Variants in SCIN observed in about 807,000 individuals in gnomAD.
SCIN encodes the protein adseverin.
In SCIN, 91 loss-of-function variants were observed where a neutral mutation model predicts 91.8. The ratio of observed to expected loss-of-function variants is 0.99; its 90% CI spans 0.84 to 1.18. The LOEUF (loss-of-function observed/expected upper bound fraction) is 1.18. Ranked by LOEUF, SCIN falls within the 50% of genes most tolerant of loss-of-function variation. SCIN has a pLI of 0.00. For missense variants in SCIN, 1,087 were observed against 863.9 expected (o/e 1.26, Z -3.24); for synonymous variants, 367 against 312.6 (o/e 1.17, Z -1.84).
intron 4 of SCIN, among the ~76,000 whole-genome samples, chr7:12,616,861 C>G (rs377042177): frequency 1.2e-4 from 18 of 152,206 alleles, no homozygotes; most frequent in South Asian, 8.3e-4. Context: ...TATCATATTC[C>G]TTTTTCTCAG....
chr7:12,574,966 A>G (rs1396545369), intron 1 of SCIN, among the ~76,000 whole-genome samples: 1 of 152,178 alleles, frequency 6.6e-6, no homozygotes, highest in Non-Finnish European at 1.5e-5. Flanking sequence ...CTTAAAATCC[A>G]TGAACACTAA....
intron 15 of SCIN, among the ~76,000 whole-genome samples, chr7:12,652,299 A>C (rs1784095072): frequency 6.6e-6 from 1 of 152,154 alleles, no homozygotes; most frequent in African/African-American, 2.4e-5. Flanking sequence ...CACAAGGACA[A>C]TTCCATAAAA....
At chr7:12,590,370 A>C (rs1325283563) in intron 3 of SCIN, among the ~76,000 whole-genome samples, 1 of 151,812 alleles carries the variant, frequency 6.6e-6, no homozygotes, top group Admixed American at 6.6e-5. Context: ...CCTTGGGAGG[A>C]AGTAACAGAG....
At chr7:12,647,316 A>G (rs1783986161) in intron 13 of SCIN, among the ~76,000 whole-genome samples, 2 of 152,220 alleles carry the variant, frequency 1.3e-5, no homozygotes, top group Admixed American at 1.3e-4. Context: ...GTTTAAGGCA[A>G]AGGATTGTTG....
intron 9 of SCIN, 110 bp downstream of exon 9, chr7:12,629,332 G>A: frequency 9.6e-7 from 1 of 1,037,582 alleles, no homozygotes; most frequent in South Asian, 2.1e-5. Flanking sequence ...ATCCCAGTGA[G>A]ATTTGTATAG....
chr7:12,585,425 T>C (rs1210544552), intron 3 of SCIN, among the ~76,000 whole-genome samples: 1 of 152,166 alleles, frequency 6.6e-6, no homozygotes, highest in Non-Finnish European at 1.5e-5. Flanking sequence ...TTATACATTC[T>C]TCCTAAGCAA....
chr7:12,636,775 G>C (rs1037505839), intron 10 of SCIN, among the ~76,000 whole-genome samples: 1 of 152,178 alleles, frequency 6.6e-6, no homozygotes, highest in Non-Finnish European at 1.5e-5. Flanking sequence ...CAAATTGCTA[G>C]AACGAGGATA....
At chr7:12,640,188 A>G (rs1156902341) in intron 10 of SCIN, among the ~76,000 whole-genome samples, 159 bp from the exon 11 acceptor site, 1 of 152,232 alleles carries the variant, frequency 6.6e-6, no homozygotes, top group African/African-American at 2.4e-5. Context: ...ATTAATTATC[A>G]TTAACCTATA....
chr7:12,596,059 A>G (rs1272376175), intron 3 of SCIN, among the ~76,000 whole-genome samples: 1 of 152,134 alleles, frequency 6.6e-6, no homozygotes, highest in Non-Finnish European at 1.5e-5. Context: ...AAAGAAAGGA[A>G]CGTATGCTTG....
At position 12,655,360 on chromosome 7, in the gene SCIN, C is replaced by G. The variant is rs1247388391; in HGVS notation, c.*2645C>G. ...AGAAATTAATATGTAATACATACAG[C>G]TAATGTTATAGCTACTTAAGGAATT... On this transcript the variant is annotated 3_prime_UTR_variant, in exon 16 of 16. Coordinates refer to ENST00000297029, the MANE Select transcript of SCIN (RefSeq NM_001112706.3). 1.3e-5 allele frequency: 2 copies of G among 152,028 alleles called. No individual in the cohort carries two copies. Among genetic ancestry groups the G allele is most frequent in the Non-Finnish European group, 2.9e-5 (2 of 68,012 alleles). 9.4% of individuals were successfully genotyped at this position (152,028 alleles called of 1,614,324 possible).
At chr7:12,631,131 A>G (rs1373842888) in intron 9 of SCIN, among the ~76,000 whole-genome samples, 1 of 152,236 alleles carries the variant, frequency 6.6e-6, no homozygotes, top group Non-Finnish European at 1.5e-5. Flanking sequence ...GGACATATTA[A>G]AATAGAATAA....
chr7:12,583,998 CA>C (rs953958386), intron 3 of SCIN, among the ~76,000 whole-genome samples: 1 of 152,088 alleles, frequency 6.6e-6, no homozygotes, highest in African/African-American at 2.4e-5. Context: ...TTCCTATACT[CA>C]AAAGGGATAC....
chr7:12,647,994 A>C (rs1238202596), intron 13 of SCIN, among the ~76,000 whole-genome samples: 1 of 152,122 alleles, frequency 6.6e-6, no homozygotes, highest in Admixed American at 6.5e-5. Context: ...TGCCAGAGGG[A>C]GTGAATAAAG....
At chr7:12,602,761 C>A (rs955676047) in intron 3 of SCIN, among the ~76,000 whole-genome samples, 1 of 152,142 alleles carries the variant, frequency 6.6e-6, no homozygotes, top group Non-Finnish European at 1.5e-5. Context: ...TGGTTGTCTT[C>A]CCTTGTTCCC....
In SCIN at chr7:12,570,906, C is replaced by T. The variant is rs1215720859; in HGVS notation, c.120C>T (p.Phe40=). 1 of 1,551,580 alleles carries T rather than the reference C, an allele frequency of 6.4e-7. No homozygotes were observed. The highest frequency in any genetic ancestry group is 8.7e-7 in the Non-Finnish European group (1 of 1,146,968). Residue 40 remains phenylalanine (F), a synonymous_variant, in exon 1 of 16, where the codon TTC becomes TTT. Coordinates refer to ENST00000297029, the MANE Select transcript of SCIN (RefSeq NM_001112706.3). The part of the protein sequence containing the change: ...VPVPQSAHGD[F]YVGDAYLVLH... The stretch of plus-strand genomic sequence containing the variant: ...TGCCCCAGAGCGCTCACGGCGACTT[C>T]TACGTCGGGGATGCCTACCTGGTGC...
intron 3 of SCIN, among the ~76,000 whole-genome samples, chr7:12,603,418 C>T (rs1039511294): frequency 6.6e-6 from 1 of 152,102 alleles, no homozygotes; most frequent in Non-Finnish European, 1.5e-5. Flanking sequence ...GCTGGAATTA[C>T]AGGCATGAGC....
Position 12,649,563 on chromosome 7 carries a change from C to G in SCIN, c.1959+19C>G, listed in dbSNP as rs1451984432. The G allele has an allele frequency of 1.9e-6, 3 of 1,552,142 alleles. No homozygotes were observed. The South Asian group carries it at 3.5e-5, about 18-fold the overall frequency. Reference sequence around the variant, plus strand: ...GGAACAGGTAAAACTACATTTTGTTCATAAGAAGAGAATGCATTTTTGGTT... The same window carrying G: ...GGAACAGGTAAAACTACATTTTGTTGATAAGAAGAGAATGCATTTTTGGTT... On this transcript the variant is annotated intron_variant, in intron 14 of 15. Coordinates refer to ENST00000297029, the MANE Select transcript of SCIN (RefSeq NM_001112706.3).
At chr7:12,594,822 C>T (rs1383089948) in intron 3 of SCIN, among the ~76,000 whole-genome samples, 1 of 152,088 alleles carries the variant, frequency 6.6e-6, no homozygotes, top group African/African-American at 2.4e-5. Flanking sequence ...GAACCAGAGG[C>T]CTGGAGGCCA....
chr7:12,576,460 T>C (rs1323996667), intron 1 of SCIN, among the ~76,000 whole-genome samples: 2 of 152,154 alleles, frequency 1.3e-5, no homozygotes, highest in Admixed American at 6.6e-5. Context: ...ATTCTTTCTT[T>C]AATACAACTG....
Sources: allele counts gnomAD v4.1 joint callset (sites outside exome capture counted in the v4.1 genomes callset), GRCh38; gene constraint gnomAD v4.1.1; transcripts MANE v1.5; gene names NCBI Gene and HGNC (gene_info 2026-07-23, HGNC 2026-07-21).